Variants in SERGEF observed in about 807,000 individuals in gnomAD.
SERGEF encodes secretion regulating guanine nucleotide exchange factor, also known as secretion-regulating guanine nucleotide exchange factor.
Under a neutral mutation model 50.0 loss-of-function variants are expected in SERGEF, and 51 were observed. That is an observed-to-expected ratio of 1.02 (90% CI 0.81 to 1.29). SERGEF has a LOEUF of 1.29. SERGEF is among the 50% of genes most tolerant of loss of function. The probability of loss-of-function intolerance (pLI) is 0.00; values close to 1 mark genes in which losing one functional copy is unlikely to be tolerated. For missense variants in SERGEF, 521 were observed against 557.0 expected, an observed-to-expected ratio of 0.94 and a Z score of 0.65; for synonymous variants, 205 against 212.4, an observed-to-expected ratio of 0.97 and a Z score of 0.30.
At chr11:17,879,929 G>T (rs1448901956) in intron 9 of SERGEF, among the ~76,000 whole-genome samples, 1 of 152,182 alleles carries the variant, frequency 6.6e-6, no homozygotes, top group Non-Finnish European at 1.5e-5. Flanking sequence ...AGTTCCTTTG[G>T]TAGTGTTTCT....
chr11:18,003,895 G>C (rs1434870320), intron 4 of SERGEF, among the ~76,000 whole-genome samples: 1 of 152,056 alleles, frequency 6.6e-6, no homozygotes, highest in Non-Finnish European at 1.5e-5. Context: ...TAATGATATT[G>C]GTTGCTCATC....
intron 10 of SERGEF, among the ~76,000 whole-genome samples, chr11:17,796,799 A>G (rs957185304): frequency 6.6e-6 from 1 of 152,194 alleles, no homozygotes; most frequent in Non-Finnish European, 1.5e-5. Flanking sequence ...CTCCAGAATC[A>G]AAAGTGGGGC....
chr11:17,933,801 A>G (rs1053348460), intron 9 of SERGEF, among the ~76,000 whole-genome samples: 5 of 152,174 alleles, frequency 3.3e-5, no homozygotes, highest in Admixed American at 1.3e-4. Flanking sequence ...GTGTTGTTGA[A>G]TCCCTAAATT....
At chr11:17,801,357 G>C (rs977532173) in intron 10 of SERGEF, among the ~76,000 whole-genome samples, 7 of 152,344 alleles carry the variant, frequency 4.6e-5, no homozygotes, top group South Asian at 4.1e-4. Context: ...CTGAAGGCTG[G>C]ATTACAAAGG....
intron 9 of SERGEF, among the ~76,000 whole-genome samples, chr11:17,914,906 C>A (rs1364014395): frequency 1.3e-5 from 2 of 152,062 alleles, no homozygotes; most frequent in Non-Finnish European, 2.9e-5. Flanking sequence ...AGATACTAAA[C>A]AGATAAAATA....
intron 9 of SERGEF, among the ~76,000 whole-genome samples, chr11:17,936,930 G>C (rs1472175475): frequency 2.6e-5 from 4 of 152,162 alleles, no homozygotes; most frequent in Admixed American, 1.3e-4. Context: ...CCTAATCCTA[G>C]AAATCCTTCC....
chr11:17,832,423 C>T (rs1401744441), intron 10 of SERGEF, among the ~76,000 whole-genome samples: 1 of 152,180 alleles, frequency 6.6e-6, no homozygotes, highest in East Asian at 1.9e-4. Context: ...CCAATTTAAC[C>T]TCTTTCTTTG....
intron 10 of SERGEF, among the ~76,000 whole-genome samples, chr11:17,824,873 T>C (rs1850161629): frequency 6.6e-6 from 1 of 152,228 alleles, no homozygotes; most frequent in Non-Finnish European, 1.5e-5. Context: ...AATCTACGAA[T>C]TTTGGGGAGA....
At chr11:17,992,047 T>G (rs1853720664) in intron 7 of SERGEF, among the ~76,000 whole-genome samples, 1 of 152,078 alleles carries the variant, frequency 6.6e-6, no homozygotes, top group African/African-American at 2.4e-5. Context: ...TTCAAGAAAA[T>G]GCTGCATTGC....
At chr11:17,883,070 C>T (rs1851365147) in intron 9 of SERGEF, among the ~76,000 whole-genome samples, 1 of 152,156 alleles carries the variant, frequency 6.6e-6, no homozygotes, top group African/African-American at 2.4e-5. Context: ...GAGAGGTCTG[C>T]TCTGTTCAGG....
intron 10 of SERGEF, among the ~76,000 whole-genome samples, chr11:17,853,358 C>G (rs1257495417): frequency 1.3e-5 from 2 of 152,190 alleles, no homozygotes; most frequent in African/African-American, 4.8e-5. Context: ...CTTCCCCTTG[C>G]TCCTGTATTT....
chr11:17,831,471 C>G (rs1319639605), intron 10 of SERGEF, among the ~76,000 whole-genome samples: 1 of 152,158 alleles, frequency 6.6e-6, no homozygotes, highest in Non-Finnish European at 1.5e-5. Context: ...CAGGGACACA[C>G]TCAGACAATG....
At chr11:17,997,660 C>T (rs779084413) in intron 5 of SERGEF, among the ~76,000 whole-genome samples, 9 of 152,148 alleles carry the variant, frequency 5.9e-5, no homozygotes, top group East Asian at 1.9e-4. Flanking sequence ...GTAAGCAAAA[C>T]GTGATATATC....
rs1200758178 is a variant in SERGEF, at chr11:17,837,115, G to A, written c.1048+41093C>T. On this transcript the variant is annotated intron_variant, in intron 10 of 10. Transcript: ENST00000265965. ...GGCAGTCAGGTCTATTACCTCTGAC[G>A]TCCACCCACTGCCAGGTAATACCCT... 5.9e-5 allele frequency among the ~76,000 whole-genome samples: 9 copies of A among 151,928 alleles called. No individual in the cohort carries two copies. The East Asian group carries it at 9.7e-4, about 16-fold the overall frequency.
chr11:17,831,108 G>A lies in SERGEF; in HGVS notation c.1049-42695C>T, dbSNP rs570874019. On this transcript the variant is annotated intron_variant, in intron 10 of 10. Coordinates refer to ENST00000265965, the MANE Select transcript of SERGEF (RefSeq NM_012139.4). ...GGTCCAGGAAAAAAAACTATCTAAG[G>A]CAGAATCAAACTTTAGGTAAATAAA... Among the ~76,000 whole-genome samples the A allele has an allele frequency of 2.0e-5, 3 of 152,206 alleles. No homozygotes were observed. The South Asian group carries it at 6.2e-4, about 32-fold the overall frequency.
intron 8 of SERGEF, among the ~76,000 whole-genome samples, chr11:17,970,469 T>C (rs1446619415): frequency 6.6e-6 from 1 of 152,164 alleles, no homozygotes; most frequent in Non-Finnish European, 1.5e-5. Flanking sequence ...TTAGGCCAAT[T>C]AATAACCCTA....
At chr11:17,927,068 G>A (rs1852265932) in intron 9 of SERGEF, among the ~76,000 whole-genome samples, 1 of 152,100 alleles carries the variant, frequency 6.6e-6, no homozygotes, top group Non-Finnish European at 1.5e-5. Flanking sequence ...CTCTATTCCC[G>A]GTATGCCCTC....
At chr11:17,939,475 A>C (rs1345538736) in intron 9 of SERGEF, 1 of 152,178 alleles carries the variant, frequency 6.6e-6, no homozygotes, top group Non-Finnish European at 1.5e-5. Flanking sequence ...CCTGAGCCCC[A>C]CCTGTTGCAC....
chr11:17,990,236 C>T (rs568417240), intron 7 of SERGEF, among the ~76,000 whole-genome samples: 7 of 152,290 alleles, frequency 4.6e-5, no homozygotes, highest in Non-Finnish European at 8.8e-5. Context: ...ATCTGTTACC[C>T]GATCACTGTT....
Sources: gnomAD v4.1 joint callset for allele counts (sites outside exome capture counted in the v4.1 genomes callset) on GRCh38, gnomAD v4.1.1 for gene constraint, MANE v1.5 for transcripts, NCBI Gene and HGNC (gene_info 2026-07-23, HGNC 2026-07-21) for gene names.